Variants in WWOX observed in about 807,000 individuals in gnomAD.
The protein encoded by WWOX is WW domain containing oxidoreductase.
In WWOX, 69 loss-of-function variants were observed where a neutral mutation model predicts 46.2. That is an observed-to-expected ratio of 1.49 (90% CI 1.23 to 1.82). WWOX has a LOEUF of 1.82. Ranked by LOEUF, WWOX falls within the 40% of genes most tolerant of loss-of-function variation. The pLI is 0.00. For missense variants in WWOX, 919 were observed against 542.6 expected (o/e 1.69, Z -6.89); for synonymous variants, 359 against 202.6 (o/e 1.77, Z -6.56).
chr16:78,906,983 G>T (rs1254799897), intron 8 of WWOX, among the ~76,000 whole-genome samples: 2 of 152,158 alleles, frequency 1.3e-5, no homozygotes, highest in Non-Finnish European at 2.9e-5. Flanking sequence ...GGTTCATTCT[G>T]CCTGATGCCC....
intron 8 of WWOX, among the ~76,000 whole-genome samples, chr16:78,986,158 T>G (rs910120359): frequency 6.6e-6 from 1 of 152,260 alleles, no homozygotes; most frequent in Non-Finnish European, 1.5e-5. Flanking sequence ...TCTGTCAGCA[T>G]TTCCCTAGGC....
chr16:78,791,556 G>A (rs115479080), intron 8 of WWOX, among the ~76,000 whole-genome samples: 1,931 of 152,078 alleles, frequency 0.013, 38 homozygotes, highest in African/African-American at 0.044. Flanking sequence ...TCATACCTTC[G>A]CAGGCCATCT....
At chr16:78,691,849 C>G (rs1329920795) in intron 8 of WWOX, among the ~76,000 whole-genome samples, 3 of 152,188 alleles carry the variant, frequency 2.0e-5, no homozygotes, top group Non-Finnish European at 2.9e-5. Flanking sequence ...TGAATTGTAT[C>G]TGCCAGAATT....
intron 8 of WWOX, among the ~76,000 whole-genome samples, chr16:79,074,256 C>G (rs1019313172): frequency 2.6e-5 from 4 of 151,844 alleles, no homozygotes; most frequent in African/African-American, 7.3e-5. Flanking sequence ...AATAAATCAT[C>G]CAGCCCCAAA....
Position 78,423,139 on chromosome 16 carries a change from C to T in WWOX, c.606-1731C>T, listed in dbSNP as rs570344957. Reference sequence around the variant, plus strand: ...TGACCTCGTGATTTGCCTGCCTCAGCCTCCCAAAGTGCTGAGATTACAGGC... The same window carrying T: ...TGACCTCGTGATTTGCCTGCCTCAGTCTCCCAAAGTGCTGAGATTACAGGC... On this transcript the variant is annotated intron_variant, in intron 6 of 8. Coordinates refer to ENST00000566780, the MANE Select transcript of WWOX (RefSeq NM_016373.4). 1.6e-3 allele frequency among the ~76,000 whole-genome samples: 242 copies of T among 152,246 alleles called. 2 individuals are homozygous for T. The highest frequency in any genetic ancestry group is 5.7e-3 in the African/African-American group (235 of 41,550).
At chr16:78,876,911 T>G (rs1382543566) in intron 8 of WWOX, among the ~76,000 whole-genome samples, 1 of 152,200 alleles carries the variant, frequency 6.6e-6, no homozygotes, top group Non-Finnish European at 1.5e-5. Context: ...CTACAGGAAA[T>G]CTTGTAACTC....
At chr16:78,380,906 A>T (rs1183338221) in intron 5 of WWOX, among the ~76,000 whole-genome samples, 2 of 152,240 alleles carry the variant, frequency 1.3e-5, no homozygotes, top group African/African-American at 2.4e-5. Flanking sequence ...AAATAATGAT[A>T]ATAGCATATA....
At chr16:78,283,616 C>T (rs561164890) in intron 5 of WWOX, among the ~76,000 whole-genome samples, 5 of 152,014 alleles carry the variant, frequency 3.3e-5, no homozygotes, top group African/African-American at 9.7e-5. Flanking sequence ...GCATTTATTC[C>T]TGGTTTCCTG....
chr16:78,122,785 C>T (rs539436636), intron 4 of WWOX, among the ~76,000 whole-genome samples: 6 of 151,724 alleles, frequency 4.0e-5, no homozygotes, highest in South Asian at 2.1e-4. Context: ...TTGTATTTTT[C>T]GTAGAGACAG....
intron 8 of WWOX, among the ~76,000 whole-genome samples, chr16:78,721,802 C>G (rs868754710): frequency 6.6e-6 from 1 of 152,206 alleles, no homozygotes; most frequent in East Asian, 1.9e-4. Flanking sequence ...ATACCCCCGA[C>G]TTCCTTTCCT....
At chr16:78,934,469 A>C (rs1441474453) in intron 8 of WWOX, among the ~76,000 whole-genome samples, 5 of 146,586 alleles carry the variant, frequency 3.4e-5, no homozygotes, top group African/African-American at 1.3e-4. Flanking sequence ...TGATCACGCC[A>C]CTGCACTGCA....
intron 8 of WWOX, among the ~76,000 whole-genome samples, chr16:78,670,765 ACCT>A (rs1180336986): frequency 3.3e-5 from 5 of 151,900 alleles, no homozygotes. Flanking sequence ...TCCTGCTTTG[ACCT>A]CCTAAAGTGC....
intron 8 of WWOX, among the ~76,000 whole-genome samples, chr16:78,478,662 C>T (rs1338866503): frequency 6.6e-6 from 1 of 152,168 alleles, no homozygotes; most frequent in African/African-American, 2.4e-5. Context: ...GTTACTGGTT[C>T]ACTGCACTGG....
chr16:79,141,231 C>G (rs1251494729), intron 8 of WWOX, among the ~76,000 whole-genome samples: 1 of 152,216 alleles, frequency 6.6e-6, no homozygotes, highest in Non-Finnish European at 1.5e-5. Context: ...AAGCCCCCTC[C>G]TCATTTCAAG....
At chr16:78,511,491 C>T (rs1032547373) in intron 8 of WWOX, among the ~76,000 whole-genome samples, 13 of 152,326 alleles carry the variant, frequency 8.5e-5, no homozygotes, top group African/African-American at 3.1e-4. Context: ...GAGGGCAGGC[C>T]TGTTGCCCCC....
intron 8 of WWOX, among the ~76,000 whole-genome samples, chr16:78,774,531 T>TGTGTGTGTGTGTGC (rs1021809877): frequency 6.2e-5 from 9 of 144,252 alleles, no homozygotes; most frequent in African/African-American, 2.2e-4. Context: ...TGTGTGTGTG[T>TGTGTGTGTGTGTGC]GCGCGTGCGC....
intron 8 of WWOX, among the ~76,000 whole-genome samples, chr16:78,585,341 G>C (rs1197410536): frequency 6.6e-6 from 1 of 152,152 alleles, no homozygotes; most frequent in Non-Finnish European, 1.5e-5. Context: ...CACCCTGGCT[G>C]CCAGCCCCAG....
At chr16:78,469,225 C>T (rs2084161661) in intron 8 of WWOX, among the ~76,000 whole-genome samples, 1 of 152,090 alleles carries the variant, frequency 6.6e-6, no homozygotes, top group Admixed American at 6.5e-5. Flanking sequence ...CATAATTGAG[C>T]CTCCAAACCA....
At chr16:78,495,222 C>T (rs1180049348) in intron 8 of WWOX, among the ~76,000 whole-genome samples, 2 of 140,044 alleles carry the variant, frequency 1.4e-5, no homozygotes, top group East Asian at 2.2e-4. Context: ...CTCACTGCAA[C>T]TTTTGCCTCC....
Sources: gnomAD v4.1 joint callset for allele counts (sites outside exome capture counted in the v4.1 genomes callset) on GRCh38, gnomAD v4.1.1 for gene constraint, MANE v1.5 for transcripts, NCBI Gene and HGNC (gene_info 2026-07-23, HGNC 2026-07-21) for gene names.